KDM4A: variants seen among roughly 807,000 people sequenced by gnomAD.
The protein encoded by KDM4A is lysine demethylase 4A.
KDM4A carries 23 observed loss-of-function variants against 127.1 expected under a neutral mutation model. That is an observed-to-expected ratio of 0.18 (90% CI 0.13 to 0.26). KDM4A has a LOEUF of 0.26. Among genes scored for constraint, KDM4A ranks in the 10% least tolerant of loss-of-function variants. The pLI, the probability that KDM4A is intolerant of heterozygous loss-of-function variation, is 1.00. For missense variants in KDM4A, 890 were observed against 1,329.1 expected (o/e 0.67, Z 5.14); for synonymous variants, 443 against 466.5 (o/e 0.95, Z 0.65).
At chr1:43,695,453 A>G (rs1478967169) in intron 18 of KDM4A, among the ~76,000 whole-genome samples, 1 of 152,192 alleles carries the variant, frequency 6.6e-6, no homozygotes. Flanking sequence ...AGAGCTTGAG[A>G]AACAGAATGA....
intron 6 of KDM4A, 79 bp downstream of exon 6, chr1:43,665,824 C>G (rs1660489341): frequency 2.1e-6 from 3 of 1,451,382 alleles, no homozygotes; most frequent in Admixed American, 3.4e-5. Context: ...TGTGCGTTCC[C>G]CATGGTCAGA....
At position 43,694,235 on chromosome 1, in the gene KDM4A, G is replaced by C; in HGVS notation, c.2484+133G>C. 2 of 711,906 alleles carry C rather than the reference G, an allele frequency of 2.8e-6. No individual in the cohort carries two copies. Among genetic ancestry groups the C allele is most frequent in the Non-Finnish European group, 4.7e-6 (2 of 424,308 alleles). The allele number at this position is 711,906 out of a possible 1,614,324, so 44.1% of individuals were successfully genotyped here. ...CTCTGTGGTTAGATTCCTTAGTGGA[G>C]GCCAGGTGTGGTGGCTCACACCTGT... On this transcript the variant is annotated intron_variant, in intron 17 of 21. Transcript: ENST00000372396. This position sits in a 1 kb window ranked among gnomAD's most constrained non-coding sequence, Gnocchi z 5.2.
At chr1:43,665,608 A>T in intron 5 of KDM4A, 88 bp from the exon 6 acceptor site, 1 of 1,245,192 alleles carries the variant, frequency 8.0e-7, no homozygotes, top group Non-Finnish European at 1.2e-6. Flanking sequence ...AAAATCTGCT[A>T]TTTCAAGGTG....
intron 13 of KDM4A, among the ~76,000 whole-genome samples, chr1:43,690,160 A>G (rs1661075489): frequency 6.6e-6 from 1 of 152,204 alleles, no homozygotes; most frequent in African/African-American, 2.4e-5. Context: ...GGCTCCAGCC[A>G]TGTGACAGTG....
intron 6 of KDM4A, 41 bp downstream of exon 6, chr1:43,665,786 G>A (rs1660488330): frequency 6.2e-7 from 1 of 1,603,872 alleles, no homozygotes. Flanking sequence ...ACCCTCCTAT[G>A]AGCTGTGCTC....
chr1:43,679,520 C>T (rs1219483886), intron 11 of KDM4A, among the ~76,000 whole-genome samples: 1 of 152,126 alleles, frequency 6.6e-6, no homozygotes, highest in Non-Finnish European at 1.5e-5. Flanking sequence ...TGTTCCCCCA[C>T]CCCCACTTTA....
chr1:43,666,678 C>CA, intron 7 of KDM4A, 123 bp downstream of exon 7: 1 of 803,628 alleles, frequency 1.2e-6, no homozygotes, highest in South Asian at 1.7e-5. Flanking sequence ...TATGTAACAA[C>CA]ACTTTGATCT....
At position 43,694,522 on chromosome 1, in the gene KDM4A, A is replaced by AAC. The variant is rs1158661841; in HGVS notation, c.2485-186_2485-185insCA. 2.0e-5 allele frequency among the ~76,000 whole-genome samples: 3 copies of AAC among 152,014 alleles called. No individual in the cohort carries two copies. The highest frequency in any genetic ancestry group is 7.3e-5 in the African/African-American group (3 of 41,370). ...CAGAGCAAGACTCCGTCTCAAAAAA[A>AAC]AAAAAAAAAAAATTTCCTTGGCAGA... On this transcript the variant is annotated intron_variant, in intron 17 of 21. Transcript: ENST00000372396. This position sits in a 1 kb window ranked among gnomAD's most constrained non-coding sequence, Gnocchi z 5.2.
In KDM4A at chr1:43,694,509, C is replaced by T. The variant is rs1184072867; in HGVS notation, c.2485-200C>T. Among the ~76,000 whole-genome samples the T allele has an allele frequency of 1.4e-5, 2 of 141,922 alleles. No homozygotes were observed. Among genetic ancestry groups the T allele is most frequent in the Non-Finnish European group, 3.1e-5 (2 of 64,908 alleles). The allele number at this position is 141,922 out of a possible 152,430, so 93.1% of individuals were successfully genotyped here. ...CCAGCCTGGGTGACAGAGCAAGACTCCGTCTCAAAAAAAAAAAAAAAAAAA... is the reference window on the plus strand; with the variant it reads ...CCAGCCTGGGTGACAGAGCAAGACTTCGTCTCAAAAAAAAAAAAAAAAAAA... On this transcript the variant is annotated intron_variant, in intron 17 of 21. Transcript: ENST00000372396. This position sits in a 1 kb window ranked among gnomAD's most constrained non-coding sequence, Gnocchi z 5.2.
At chr1:43,703,074 C>G (rs1661444413) in intron 19 of KDM4A, among the ~76,000 whole-genome samples, 1 of 151,910 alleles carries the variant, frequency 6.6e-6, no homozygotes, top group African/African-American at 2.4e-5. Context: ...TCCCGAGTAG[C>G]TGGGACTACA....
intron 1 of KDM4A, among the ~76,000 whole-genome samples, chr1:43,651,583 T>A (rs928569248): frequency 2.6e-5 from 4 of 152,060 alleles, no homozygotes; most frequent in Non-Finnish European, 5.9e-5. Flanking sequence ...CTTTCTGAGC[T>A]CTCCAACTCT....
At position 43,691,007 on chromosome 1, in the gene KDM4A, A is replaced by T. The variant is rs190032475; in HGVS notation, c.2200A>T (p.Ile734Leu). Residue 734 changes from isoleucine (I) to leucine (L), a missense_variant, in exon 14 of 22, where the codon ATA becomes TTA. Ile to Leu is a conservative substitution (Grantham distance 5). Coordinates refer to ENST00000372396, the MANE Select transcript of KDM4A (RefSeq NM_014663.3). ...TTATCTTGAGGAGGATGGCACCAGC[A>T]TACTCGTTTCCTGCAAGAAGTGCAG... is the stretch of plus-strand genomic sequence containing the variant. ...TPYLEEDGTS[I>L]LVSCKKCSVR... 1 of 1,614,224 alleles carries T rather than the reference A, an allele frequency of 6.2e-7. No individual in the cohort carries two copies. Among genetic ancestry groups the T allele is most frequent in the Non-Finnish European group, 8.5e-7 (1 of 1,180,040 alleles).
At chr1:43,658,817 TAA>T (rs1660307512) in intron 3 of KDM4A, among the ~76,000 whole-genome samples, 1 of 152,054 alleles carries the variant, frequency 6.6e-6, no homozygotes, top group Non-Finnish European at 1.5e-5. Flanking sequence ...TGCTAATTTT[TAA>T]AGTTTTTGTA....
chr1:43,694,247 T>A lies in KDM4A; in HGVS notation c.2484+145T>A. ...ATTCCTTAGTGGAGGCCAGGTGTGG[T>A]GGCTCACACCTGTAATCCCAGCCCT... On this transcript the variant is annotated intron_variant, in intron 17 of 21. Transcript: ENST00000372396. The surrounding 1 kb of genome is among the most constrained non-coding windows in gnomAD (Gnocchi z 5.2). 1 of 679,700 alleles carries A rather than the reference T, an allele frequency of 1.5e-6. No homozygotes were observed. The highest frequency in any genetic ancestry group is 1.9e-5 in the South Asian group (1 of 53,546). 42.1% of individuals were successfully genotyped at this position (679,700 alleles called of 1,614,324 possible). A position where few individuals can be genotyped will look rare whatever the true frequency, so the allele number is the denominator to read the frequency against.
At chr1:43,662,076 A>G (rs746506339) in intron 4 of KDM4A, among the ~76,000 whole-genome samples, 1 of 151,630 alleles carries the variant, frequency 6.6e-6, no homozygotes, top group Non-Finnish European at 1.5e-5. Context: ...TTAATTTGTA[A>G]TTTTTTTGTA....
chr1:43,668,670 T>C (rs1197039113), intron 9 of KDM4A, among the ~76,000 whole-genome samples: 1 of 152,066 alleles, frequency 6.6e-6, no homozygotes, highest in African/African-American at 2.4e-5. Flanking sequence ...TAAAAAGAAG[T>C]GTAGTGAGGA....
intron 5 of KDM4A, among the ~76,000 whole-genome samples, chr1:43,664,339 G>C (rs1570824403): frequency 6.6e-6 from 1 of 152,002 alleles, no homozygotes; most frequent in African/African-American, 2.4e-5. Flanking sequence ...AGCCGAGGTG[G>C]GTGGATCACC....
In KDM4A at chr1:43,689,043, C is replaced by A; in HGVS notation, c.1985C>A (p.Ala662Asp). The A allele has an allele frequency of 6.2e-7, 1 of 1,614,240 alleles. No homozygotes were observed. Among genetic ancestry groups the A allele is most frequent in the Non-Finnish European group, 8.5e-7 (1 of 1,180,038 alleles). ...GAGAAGGAATTCAATGAGACCATGG[C>A]CCAACAGGCCCCTCACTGCGCTGTC... Reference protein sequence around the residue: ...EAEKEFNETMAQQAPHCAVCM... With the variant: ...EAEKEFNETMDQQAPHCAVCM... The change falls in exon 13 of 22, where the codon GCC becomes GAC. Residue 662 changes from alanine (A) to aspartate (D), a missense_variant. This residue lies in a region of KDM4A where 389 missense variants were observed against 485.9 expected (regional missense o/e 0.80). Transcript: ENST00000372396.
intron 21 of KDM4A, 45 bp downstream of exon 21, chr1:43,704,157 G>A: frequency 1.2e-6 from 2 of 1,613,156 alleles, no homozygotes; most frequent in Non-Finnish European, 1.7e-6. Context: ...TGGAGGGAGG[G>A]AACAAGTCAA....
Sources: allele counts gnomAD v4.1 joint callset (sites outside exome capture counted in the v4.1 genomes callset), GRCh38; gene constraint gnomAD v4.1.1; regional missense constraint gnomAD v4.1.1; non-coding constraint Gnocchi (gnomAD v3.1); transcripts MANE v1.5; gene names NCBI Gene and HGNC (gene_info 2026-07-23, HGNC 2026-07-21).